CD58: variants seen among roughly 807,000 people sequenced by gnomAD.
CD58 encodes the protein lymphocyte function-associated antigen 3.
In CD58, 14 loss-of-function variants were observed where a neutral mutation model predicts 27.6. The observed-to-expected ratio is 0.51, with a 90% confidence interval of 0.34 to 0.79. The LOEUF is 0.79. Ranked by LOEUF, CD58 falls within the 30% of genes least tolerant of loss-of-function variation. The pLI, the probability that CD58 is intolerant of heterozygous loss-of-function variation, is 0.02. For synonymous variants in CD58, 117 were observed against 103.8 expected (o/e 1.13, Z -0.77); for missense variants, 268 against 301.7 (o/e 0.89, Z 0.83).
intron 2 of CD58, among the ~76,000 whole-genome samples, chr1:116,544,037 A>C (rs1658073552): frequency 6.6e-6 from 1 of 152,218 alleles, no homozygotes; most frequent in South Asian, 2.1e-4. Flanking sequence ...AAAGAGTTCT[A>C]AGCTAACTGC....
intron 3 of CD58, among the ~76,000 whole-genome samples, chr1:116,530,667 G>A (rs1051994795): frequency 2.6e-5 from 4 of 152,098 alleles, no homozygotes; most frequent in Admixed American, 2.0e-4. Flanking sequence ...GGAAAGTTTA[G>A]ATGAGAAATC....
chr1:116,551,744 T>TA (rs939166648), intron 1 of CD58, among the ~76,000 whole-genome samples: 7 of 151,036 alleles, frequency 4.6e-5, no homozygotes, highest in Admixed American at 2.6e-4. Context: ...CTTTCTTTTT[T>TA]TTTTTTTTTC....
rs1207399509 is a variant in CD58 at position 116,519,029 on chromosome 1, C to T, written c.743+202G>A. ...GGCTCATTGAGAGGGTTCCAGGAAA[C>T]GATATGCAGAGAGTGGCTAGTGCAG... On this transcript the variant is annotated intron_variant, in intron 5 of 5. Coordinates refer to ENST00000369489, the MANE Select transcript of CD58 (RefSeq NM_001779.3). This position sits in a 1 kb window ranked among gnomAD's most constrained non-coding sequence, Gnocchi z 4.7. The T allele has an allele frequency of 1.7e-5, 21 of 1,220,314 alleles. No homozygotes were observed. The highest frequency in any genetic ancestry group is 8.8e-5 in the Admixed American group (3 of 34,080). 75.6% of individuals were successfully genotyped at this position (1,220,314 alleles called of 1,614,324 possible). A position where few individuals can be genotyped will look rare whatever the true frequency, so the allele number is the denominator to read the frequency against.
rs1657650344 is a variant in CD58 at position 116,532,593 on chromosome 1, CT to C, written c.628+3371del. Among the ~76,000 whole-genome samples the C allele has an allele frequency of 6.6e-6, 1 of 152,180 alleles. No individual in the cohort carries two copies. Among genetic ancestry groups the C allele is most frequent in the African/African-American group, 2.4e-5 (1 of 41,444 alleles). ...GGAACCTCATCACCAGACCTCGGCC[CT>C]TTTAGCCAAGTGATCCCCACCCCAT... On this transcript the variant is annotated intron_variant, in intron 3 of 5. Coordinates refer to ENST00000369489, the MANE Select transcript of CD58 (RefSeq NM_001779.3). The surrounding 1 kb of genome is among the most constrained non-coding windows in gnomAD (Gnocchi z 5.1).
chr1:116,532,941 G>A lies in CD58; in HGVS notation c.628+3024C>T. 9.3e-7 allele frequency: 1 copy of A among 1,076,874 alleles called. No individual in the cohort carries two copies. The highest frequency in any genetic ancestry group is 1.4e-6 in the Non-Finnish European group (1 of 735,048). The allele number at this position is 1,076,874 out of a possible 1,614,324, so 66.7% of individuals were successfully genotyped here. ...CAGGCGCCCACCTCCACTTCCTACTGCTGCTTGCATTCCGCCGGCTGGCTG... is the reference window on the plus strand; with the variant it reads ...CAGGCGCCCACCTCCACTTCCTACTACTGCTTGCATTCCGCCGGCTGGCTG... On this transcript the variant is annotated intron_variant, in intron 3 of 5. Transcript: ENST00000369489. This position sits in a 1 kb window ranked among gnomAD's most constrained non-coding sequence, Gnocchi z 5.1.
At chr1:116,533,697 C>T in intron 3 of CD58, 2 of 683,984 alleles carry the variant, frequency 2.9e-6, no homozygotes, top group Non-Finnish European at 5.4e-6. Context: ...CAGCCAATTT[C>T]TCCTCCTCTT....
At chr1:116,555,328 A>C (rs1434241400) in intron 1 of CD58, among the ~76,000 whole-genome samples, 1 of 152,144 alleles carries the variant, frequency 6.6e-6, no homozygotes, top group Non-Finnish European at 1.5e-5. Context: ...ACACTGGTTG[A>C]CATGGAATAG....
chr1:116,544,770 C>A (rs1658109000), intron 1 of CD58, among the ~76,000 whole-genome samples, 166 bp from the exon 2 acceptor site: 1 of 152,180 alleles, frequency 6.6e-6, no homozygotes, highest in Non-Finnish European at 1.5e-5. Flanking sequence ...AAACTGGGAC[C>A]TGCATAAATC....
At chr1:116,567,770 T>C (rs557508638) in intron 1 of CD58, among the ~76,000 whole-genome samples, 16 of 152,298 alleles carry the variant, frequency 1.1e-4, no homozygotes, top group African/African-American at 3.1e-4. Context: ...TAACACATCA[T>C]TTATTACTTA....
At position 116,514,794 on chromosome 1, in the gene CD58, C is replaced by G. The variant is rs1456778098; in HGVS notation, c.*19G>C. 6 of 1,487,456 alleles carry G rather than the reference C, an allele frequency of 4.0e-6. No homozygotes were observed. The highest frequency in any genetic ancestry group is 5.6e-6 in the Non-Finnish European group (6 of 1,072,110). 92.1% of individuals were successfully genotyped at this position (1,487,456 alleles called of 1,614,324 possible). On this transcript the variant is annotated 3_prime_UTR_variant, in exon 6 of 6. Coordinates refer to ENST00000369489, the MANE Select transcript of CD58 (RefSeq NM_001779.3). ...TAAAATAATTTAGTTATGCTGTTGTCTTCATCTTCTGTTACCAATCAATTG... is the reference window on the plus strand; with the variant it reads ...TAAAATAATTTAGTTATGCTGTTGTGTTCATCTTCTGTTACCAATCAATTG...
In CD58 at chr1:116,551,588, A is replaced by G. The variant is rs572437624; in HGVS notation, c.71-6984T>C. On this transcript the variant is annotated intron_variant, in intron 1 of 5. Transcript: ENST00000369489. ...ACTCGAACTTTCTCCATCTGCAATA[A>G]CGCTGTTTCACTTTCTTATTTATGT... 2.0e-5 allele frequency among the ~76,000 whole-genome samples: 3 copies of G among 152,306 alleles called. No homozygotes were observed. The East Asian group carries it at 5.8e-4, about 29-fold the overall frequency.
chr1:116,562,300 G>A (rs1658781808), intron 1 of CD58, among the ~76,000 whole-genome samples: 2 of 152,146 alleles, frequency 1.3e-5, no homozygotes, highest in Non-Finnish European at 2.9e-5. Flanking sequence ...GAATAAGACA[G>A]ACTCTGTTAA....
At position 116,550,413 on chromosome 1, in the gene CD58, T is replaced by C. The variant is rs10754324; in HGVS notation, c.71-5809A>G. On this transcript the variant is annotated intron_variant, in intron 1 of 5. Transcript: ENST00000369489. This position sits in a 1 kb window ranked among gnomAD's most constrained non-coding sequence, Gnocchi z 4.2. ...CTTCACCAGGAGTATAGATGCCATC[T>C]GAAGAAACCACTTTCTTTGCTCATC... Among the ~76,000 whole-genome samples the C allele has an allele frequency of 0.34, 50,951 of 152,066 alleles. 13,151 individuals carry two copies. Among genetic ancestry groups the C allele is most frequent in the African/African-American group, 0.69 (28,722 of 41,462 alleles).
At chr1:116,564,983 C>T (rs1049631819) in intron 1 of CD58, among the ~76,000 whole-genome samples, 5 of 152,162 alleles carry the variant, frequency 3.3e-5, no homozygotes, top group Non-Finnish European at 7.3e-5. Context: ...TGTCATTCCA[C>T]TAATGCAAGC....
intron 1 of CD58, among the ~76,000 whole-genome samples, chr1:116,549,481 C>G (rs1263637042): frequency 6.6e-6 from 1 of 152,082 alleles, no homozygotes; most frequent in African/African-American, 2.4e-5. Flanking sequence ...GCACAGCCAG[C>G]CCTTGCAAGG....
chr1:116,569,937 G>A (rs17035998), intron 1 of CD58, among the ~76,000 whole-genome samples: 8,960 of 152,148 alleles, frequency 0.059, 849 homozygotes, highest in African/African-American at 0.2. Context: ...CTGATCGTGC[G>A]GGTACTTTTG....
At chr1:116,564,516 G>T (rs2101229977) in intron 1 of CD58, among the ~76,000 whole-genome samples, 1 of 152,324 alleles carries the variant, frequency 6.6e-6, no homozygotes, top group South Asian at 2.1e-4. Flanking sequence ...AAGGAAAGAA[G>T]TTCAATGAAC....
Position 116,559,444 on chromosome 1 carries a change from G to A in CD58, c.70+11459C>T, listed in dbSNP as rs557083218. On this transcript the variant is annotated intron_variant, in intron 1 of 5. Transcript: ENST00000369489. This position sits in a 1 kb window ranked among gnomAD's most constrained non-coding sequence, Gnocchi z 4.4. ...GTCGGCCCCAGAGCCTGCACTGTTGGCCAGAACATCAGATGCCTTGGTTGG... is the reference window on the plus strand; with the variant it reads ...GTCGGCCCCAGAGCCTGCACTGTTGACCAGAACATCAGATGCCTTGGTTGG... Among the ~76,000 whole-genome samples the A allele has an allele frequency of 2.0e-5, 3 of 152,310 alleles. No homozygotes were observed. The highest frequency in any genetic ancestry group is 2.1e-4 in the South Asian group (1 of 4,830).
intron 1 of CD58, among the ~76,000 whole-genome samples, chr1:116,556,902 A>G (rs1310629584): frequency 6.6e-6 from 1 of 152,224 alleles, no homozygotes; most frequent in East Asian, 1.9e-4. Context: ...ATGTGGAAAC[A>G]GAGGCCCACC....
Sources: allele counts gnomAD v4.1 joint callset (sites outside exome capture counted in the v4.1 genomes callset), GRCh38; gene constraint gnomAD v4.1.1; non-coding constraint Gnocchi (gnomAD v3.1); transcripts MANE v1.5; gene names NCBI Gene and HGNC (gene_info 2026-07-23, HGNC 2026-07-21).